The following TENM3 variants were observed in gnomAD, a reference collection of about 807,000 sequenced individuals.
The protein encoded by TENM3 is teneurin transmembrane protein 3.
A neutral mutation model predicts 255.1 loss-of-function variants in TENM3; 63 were observed. The ratio of observed to expected loss-of-function variants is 0.25; its 90% confidence interval spans 0.20 to 0.30. The LOEUF is 0.30. Among genes scored for constraint, TENM3 ranks in the 10% least tolerant of loss-of-function variants. The pLI, the probability that TENM3 is intolerant of heterozygous loss-of-function variation, is 1.00. For missense variants in TENM3, 2,929 were observed against 3,461.1 expected, an observed-to-expected ratio of 0.85 and a Z score of 3.86; for synonymous variants, 1,306 against 1,322.3, an observed-to-expected ratio of 0.99 and a Z score of 0.27.
chr4:181,670,422 C>T, the TENM3 span, among the ~76,000 whole-genome samples: 1 of 152,176 alleles, frequency 6.6e-6, no homozygotes, highest in South Asian at 2.1e-4. Flanking sequence ...AAATGATCTA[C>T]AGCACAATTT....
the TENM3 span, among the ~76,000 whole-genome samples, chr4:182,080,612 G>T: frequency 2.6e-5 from 4 of 152,156 alleles, no homozygotes; most frequent in East Asian, 7.7e-4. Flanking sequence ...TCATAAACGT[G>T]CATGGAAGCC....
chr4:182,110,748 T>A, the TENM3 span, among the ~76,000 whole-genome samples: 1 of 152,232 alleles, frequency 6.6e-6, no homozygotes, highest in Non-Finnish European at 1.5e-5. Context: ...GTATGTTGCC[T>A]GATGAGCTTT....
chr4:181,739,735 A>G, the TENM3 span, among the ~76,000 whole-genome samples: 2 of 152,228 alleles, frequency 1.3e-5, no homozygotes, highest in African/African-American at 2.4e-5. Flanking sequence ...TCGTACATTT[A>G]TTATCACAGA....
chr4:181,616,746 G>T, the TENM3 span, among the ~76,000 whole-genome samples: 14 of 152,090 alleles, frequency 9.2e-5, no homozygotes, highest in Non-Finnish European at 1.9e-4. Context: ...TCTAATGTCC[G>T]TGGGCAGGAG....
the TENM3 span, among the ~76,000 whole-genome samples, chr4:181,653,449 G>C: frequency 6.6e-6 from 1 of 151,962 alleles, no homozygotes; most frequent in Non-Finnish European, 1.5e-5. Context: ...TCACTCTGTC[G>C]CCCAGGCCGG....
chr4:182,033,595 C>A, the TENM3 span, among the ~76,000 whole-genome samples: 8 of 152,054 alleles, frequency 5.3e-5, no homozygotes, highest in African/African-American at 1.9e-4. Flanking sequence ...ATCTTTGTTA[C>A]TTTTCTGTCT....
chr4:182,140,993 C>CG (rs1273051256), upstream of TENM3, among the ~76,000 whole-genome samples: 1 of 149,542 alleles, frequency 6.7e-6, no homozygotes, highest in African/African-American at 2.5e-5. Flanking sequence ...ATATCCCTCC[C>CG]CCCCGCCCCC....
chr4:181,527,651 G>A, the TENM3 span, among the ~76,000 whole-genome samples: 5,249 of 149,772 alleles, frequency 0.035, 141 homozygotes, highest in Non-Finnish European at 0.054. Flanking sequence ...AATATAAAAG[G>A]ATAATAGAAT....
At chr4:182,018,175 TTAA>T in the TENM3 span, among the ~76,000 whole-genome samples, 2 of 152,172 alleles carry the variant, frequency 1.3e-5, no homozygotes, top group Non-Finnish European at 2.9e-5. Context: ...GTTTTCAATA[TTAA>T]TTGATTTATG....
chr4:181,739,465 A>T, the TENM3 span, among the ~76,000 whole-genome samples: 1 of 152,152 alleles, frequency 6.6e-6, no homozygotes, highest in Non-Finnish European at 1.5e-5. Context: ...AATCTAATTA[A>T]AACTTTCTTT....
the TENM3 span, among the ~76,000 whole-genome samples, chr4:181,494,253 T>C: frequency 5.9e-5 from 9 of 152,194 alleles, no homozygotes; most frequent in Non-Finnish European, 1.0e-4. Context: ...AACTAAAATG[T>C]CAACAGCTGA....
chr4:182,030,726 G>A, the TENM3 span, among the ~76,000 whole-genome samples: 1 of 151,850 alleles, frequency 6.6e-6, no homozygotes, highest in Non-Finnish European at 1.5e-5. Context: ...GTTGTTTCCT[G>A]ACTTTTTAAT....
intron 2 of TENM3, among the ~76,000 whole-genome samples, chr4:182,338,026 G>C (rs1346697369): frequency 1.3e-5 from 2 of 152,118 alleles, no homozygotes. Context: ...CTTGCTTGGG[G>C]TCATGGTGGG....
In TENM3 at chr4:182,800,666, A is replaced by G; in HGVS notation, c.*315A>G. 2 of 238,992 alleles carry G rather than the reference A, an allele frequency of 8.4e-6. No homozygotes were observed. The highest frequency in any genetic ancestry group is 1.6e-5 in the Non-Finnish European group (2 of 123,222). The allele number at this position is 238,992 out of a possible 1,614,324, so 14.8% of individuals were successfully genotyped here. A position where few individuals can be genotyped will look rare whatever the true frequency, so the allele number is the denominator to read the frequency against. ...GCCGTCTGTTCCTTCTAGGCACTGT[A>G]TTTAACTAACTTTAAAAAAGAAAAA... is the stretch of plus-strand genomic sequence containing the variant. On this transcript the variant is annotated 3_prime_UTR_variant, in exon 28 of 28. Transcript: ENST00000511685.
intron 4 of TENM3, among the ~76,000 whole-genome samples, chr4:182,618,302 T>C (rs1292442531): frequency 2.6e-5 from 4 of 152,122 alleles, no homozygotes; most frequent in Admixed American, 1.3e-4. Context: ...GTATTCTTGA[T>C]ATTAAAGATA....
At chr4:182,233,044 G>A (rs192386643) in intron 1 of TENM3, among the ~76,000 whole-genome samples, 1 of 152,202 alleles carries the variant, frequency 6.6e-6, no homozygotes, top group East Asian at 1.9e-4. Context: ...GAGGATAAGG[G>A]GAGACTCTTG....
chr4:182,488,485 G>T (rs1334114135), intron 3 of TENM3, among the ~76,000 whole-genome samples: 1 of 152,068 alleles, frequency 6.6e-6, no homozygotes, highest in Non-Finnish European at 1.5e-5. Context: ...TACAAATAGA[G>T]ATATTAAACA....
the TENM3 span, among the ~76,000 whole-genome samples, chr4:181,818,337 G>GAA: frequency 6.6e-6 from 1 of 152,104 alleles, no homozygotes; most frequent in Admixed American, 6.5e-5. Flanking sequence ...GGAAGGCGGT[G>GAA]AAAACAGAAT....
the TENM3 span, among the ~76,000 whole-genome samples, chr4:182,135,199 G>A: frequency 1.5e-3 from 143 of 97,890 alleles, 5 homozygotes; most frequent in Admixed American, 0.019. Flanking sequence ...GGTGAGACTC[G>A]GTCTCAAAAA....
Sources: allele counts gnomAD v4.1 joint callset (sites outside exome capture counted in the v4.1 genomes callset), GRCh38; gene constraint gnomAD v4.1.1; transcripts MANE v1.5; gene names NCBI Gene and HGNC (gene_info 2026-07-23, HGNC 2026-07-21).